ERAP1: variants seen among roughly 807,000 people sequenced by gnomAD.
The protein encoded by ERAP1 is adipocyte-derived leucine aminopeptidase.
In ERAP1, 86 loss-of-function variants were observed where a neutral mutation model predicts 103.7. That is an observed-to-expected ratio of 0.83 (90% confidence interval 0.70 to 0.99). The LOEUF (loss-of-function observed/expected upper bound fraction) is 0.99. Among genes scored for constraint, ERAP1 ranks in the 50% least tolerant of loss-of-function variants. The pLI is 0.00. For synonymous variants in ERAP1, 398 were observed against 402.4 expected, an observed-to-expected ratio of 0.99 and a Z score of 0.13; for missense variants, 1,009 against 1,128.4, an observed-to-expected ratio of 0.89 and a Z score of 1.52.
the ERAP1 span, chr5:96,881,575 G>C: frequency 6.8e-5 from 30 of 441,306 alleles, no homozygotes; most frequent in Middle Eastern, 2.3e-3. Flanking sequence ...AACCACACAG[G>C]GGCATATTTT....
the ERAP1 span, among the ~76,000 whole-genome samples, chr5:96,827,100 T>C: frequency 1.3e-5 from 2 of 152,192 alleles, no homozygotes; most frequent in African/African-American, 4.8e-5. Flanking sequence ...ATTTTTTGGA[T>C]CTGAGACTGA....
chr5:96,820,293 CAAATG>C, the ERAP1 span, among the ~76,000 whole-genome samples: 1 of 151,770 alleles, frequency 6.6e-6, no homozygotes, highest in Admixed American at 6.6e-5. Flanking sequence ...TAAAAAAAGA[CAAATG>C]AAAGAAAATC....
the ERAP1 span, among the ~76,000 whole-genome samples, chr5:96,888,131 A>AG: frequency 1.4e-5 from 2 of 143,438 alleles, no homozygotes; most frequent in African/African-American, 5.3e-5. Flanking sequence ...TCTCAAAAGA[A>AG]AAAAAAAAAG....
At chr5:96,881,932 C>T in the ERAP1 span, among the ~76,000 whole-genome samples, 1 of 152,040 alleles carries the variant, frequency 6.6e-6, no homozygotes, top group Non-Finnish European at 1.5e-5. Context: ...GGACTTGTTG[C>T]CTTCCTGAAT....
At chr5:96,783,871 T>TAA in intron 14 of ERAP1, 53 bp downstream of exon 14, 1 of 1,276,728 alleles carries the variant, frequency 7.8e-7, no homozygotes, top group Non-Finnish European at 1.1e-6. Context: ...ACACAATGAT[T>TAA]AACACTTTTT....
At chr5:96,840,176 G>C in the ERAP1 span, among the ~76,000 whole-genome samples, 1 of 152,160 alleles carries the variant, frequency 6.6e-6, no homozygotes, top group Non-Finnish European at 1.5e-5. Context: ...CTTTCCAGTA[G>C]TGAAAACTCC....
Position 96,786,562 on chromosome 5 carries a change from A to T in ERAP1, c.1680-13T>A, listed in dbSNP as rs1456580068. The T allele has an allele frequency of 4.5e-6, 7 of 1,543,090 alleles. No homozygotes were observed. The highest frequency in any genetic ancestry group is 6.3e-6 in the Non-Finnish European group (7 of 1,115,130). ...ATGCCACAGGTACCTAAAATAAAGG[A>T]GAGGTGGATTGTTCATTTGTTGATT... On this transcript the variant is annotated splice_polypyrimidine_tract_variant and intron_variant, in intron 11 of 18. Coordinates refer to ENST00000443439, the MANE Select transcript of ERAP1 (RefSeq NM_001040458.3).
the ERAP1 span, among the ~76,000 whole-genome samples, chr5:96,818,702 C>T: frequency 3.9e-5 from 6 of 152,012 alleles, no homozygotes; most frequent in Non-Finnish European, 7.4e-5. Flanking sequence ...AGTTTTATTG[C>T]GGTGAGAATC....
chr5:96,877,975 AT>A, the ERAP1 span, among the ~76,000 whole-genome samples: 2 of 152,254 alleles, frequency 1.3e-5, no homozygotes, highest in Non-Finnish European at 2.9e-5. Context: ...GTTAAGGATT[AT>A]AAAAAGAAGA....
At chr5:96,822,453 G>GA in the ERAP1 span, among the ~76,000 whole-genome samples, 3 of 152,078 alleles carry the variant, frequency 2.0e-5, no homozygotes, top group East Asian at 1.9e-4. Context: ...CAGAAACCTA[G>GA]AAAAAAATCC....
At position 96,775,100 on chromosome 5, in the gene ERAP1, G is replaced by C; in HGVS notation, c.*1296C>G. On this transcript the variant is annotated 3_prime_UTR_variant, in exon 19 of 19. Transcript: ENST00000443439. Reference sequence around the variant, plus strand: ...GGTTAGATAAGTCCCTGTGTAGCAAGTTTTCAGAATAAGAAATAAAATCTA... The same window carrying C: ...GGTTAGATAAGTCCCTGTGTAGCAACTTTTCAGAATAAGAAATAAAATCTA... 1.0e-6 allele frequency: 1 copy of C among 985,532 alleles called. No homozygotes were observed. Among genetic ancestry groups the C allele is most frequent in the Non-Finnish European group, 1.2e-6 (1 of 829,932 alleles). The allele number at this position is 985,532 out of a possible 1,614,324, so 61.0% of individuals were successfully genotyped here.
At chr5:96,905,515 T>C in the ERAP1 span, among the ~76,000 whole-genome samples, 8 of 152,302 alleles carry the variant, frequency 5.3e-5, no homozygotes, top group Admixed American at 5.2e-4. Flanking sequence ...TAGATAAAAA[T>C]AAATAATTTT....
At chr5:96,879,144 AG>A in the ERAP1 span, among the ~76,000 whole-genome samples, 14 of 152,286 alleles carry the variant, frequency 9.2e-5, no homozygotes, top group African/African-American at 3.4e-4. Flanking sequence ...ACTTGAGCCC[AG>A]GAAGTTGAGG....
chr5:96,786,917 G>A (rs1776085982), intron 11 of ERAP1, among the ~76,000 whole-genome samples: 1 of 152,160 alleles, frequency 6.6e-6, no homozygotes, highest in Non-Finnish European at 1.5e-5. Context: ...TCAATGATAT[G>A]TAAGCTGAAC....
chr5:96,917,294 A>G, the ERAP1 span, among the ~76,000 whole-genome samples: 57,041 of 151,732 alleles, frequency 0.38, 10,873 homozygotes, highest in Non-Finnish European at 0.42. Context: ...TGTTGTTGTT[A>G]TTTTTTGTAG....
At chr5:96,787,787 T>TAC (rs200475556) in intron 11 of ERAP1, among the ~76,000 whole-genome samples, 24,097 of 140,646 alleles carry the variant, frequency 0.17, 2,236 homozygotes, top group Non-Finnish European at 0.22. Context: ...GTATATATTA[T>TAC]ATATATATAT....
the ERAP1 span, among the ~76,000 whole-genome samples, chr5:96,834,790 T>C: frequency 2.6e-5 from 4 of 152,226 alleles, no homozygotes; most frequent in Non-Finnish European, 4.4e-5. Flanking sequence ...TACTAAATCA[T>C]AATTGCATGG....
the ERAP1 span, chr5:96,814,206 A>G: frequency 2.2e-6 from 1 of 455,784 alleles, no homozygotes; most frequent in Admixed American, 2.4e-5. Context: ...TATCGGATTG[A>G]GAACCTCAGT....
intron 13 of ERAP1, chr5:96,785,086 T>G (rs1775808187): frequency 6.5e-6 from 1 of 153,156 alleles, no homozygotes; most frequent in South Asian, 2.1e-4. Flanking sequence ...GAGAAAGAGA[T>G]AATCCTTCCC....
Sources: gnomAD v4.1 joint callset for allele counts (sites outside exome capture counted in the v4.1 genomes callset) on GRCh38, gnomAD v4.1.1 for gene constraint, MANE v1.5 for transcripts, NCBI Gene and HGNC (gene_info 2026-07-23, HGNC 2026-07-21) for gene names.